Variants in TTC38 observed in about 807,000 individuals in gnomAD.
TTC38 encodes tetratricopeptide repeat domain 38, also known as tetratricopeptide repeat protein 38.
TTC38 carries 64 observed loss-of-function variants against 64.2 expected under a neutral mutation model. That is an observed-to-expected ratio of 1.00 (90% CI 0.81 to 1.23). The LOEUF (loss-of-function observed/expected upper bound fraction) is 1.23, where lower values mean the gene tolerates loss of function less well. Ranked by LOEUF, TTC38 falls within the 50% of genes most tolerant of loss-of-function variation. TTC38 has a pLI of 0.00. For missense variants in TTC38, 573 were observed against 615.5 expected (o/e 0.93, Z 0.73); for synonymous variants, 254 against 249.3 (o/e 1.02, Z -0.18).
chr22:46,290,233 C>A (rs532590445), intron 13 of TTC38, among the ~76,000 whole-genome samples: 3 of 152,174 alleles, frequency 2.0e-5, no homozygotes, highest in Non-Finnish European at 2.9e-5. Flanking sequence ...TGCACCTGGC[C>A]GACACCTAAT....
At position 46,272,340 on chromosome 22, in the gene TTC38, A is replaced by C; in HGVS notation, c.117A>C (p.Val39=). 1 of 1,613,178 alleles carries C rather than the reference A, an allele frequency of 6.2e-7. No homozygotes were observed. The highest frequency in any genetic ancestry group is 8.5e-7 in the Non-Finnish European group (1 of 1,179,324). ...TTTTGCTTTTCCCATTTCAGTATGT[A>C]AAATGGACCAATGACAAGAGTCTCG... ...KLFDATLTQY[V]KWTNDKSLGG... The change falls in exon 3 of 14, where the codon GTA becomes GTC. Residue 39 remains valine (V), a synonymous_variant. Coordinates refer to ENST00000381031, the MANE Select transcript of TTC38 (RefSeq NM_017931.4). The surrounding 1 kb of genome is among the most constrained non-coding windows in gnomAD (Gnocchi z 6.4).
rs886908384 is a variant in TTC38 at position 46,275,175 on chromosome 22, C to T, written c.366-73C>T. 7.8e-6 allele frequency: 11 copies of T among 1,411,152 alleles called. No individual in the cohort carries two copies. The highest frequency in any genetic ancestry group is 4.3e-5 in the African/African-American group (3 of 69,598). The allele number at this position is 1,411,152 out of a possible 1,614,324, so 87.4% of individuals were successfully genotyped here. ...TGTAGACCATGACACTGGTGAGAAA[C>T]AATGCCTCTTACACTCCCTGTGTGG... is the stretch of plus-strand genomic sequence containing the variant. On this transcript the variant is annotated intron_variant, in intron 4 of 13. Coordinates refer to ENST00000381031, the MANE Select transcript of TTC38 (RefSeq NM_017931.4). This position sits in a 1 kb window ranked among gnomAD's most constrained non-coding sequence, Gnocchi z 4.5.
chr22:46,291,141 T>TAA lies in TTC38; in HGVS notation c.1316+1245_1316+1246dup, dbSNP rs983068991. Among the ~76,000 whole-genome samples, 4 of 152,190 alleles carry TAA rather than the reference T, an allele frequency of 2.6e-5. No homozygotes were observed. The highest frequency in any genetic ancestry group is 9.6e-5 in the African/African-American group (4 of 41,454). The stretch of plus-strand genomic sequence containing the variant: ...GCAGCACTGGAACCGCCTAGAACTG[T>TAA]AAAATGTCTTGGACGCATGCTCCCC... On this transcript the variant is annotated intron_variant, in intron 13 of 13. Coordinates refer to ENST00000381031, the MANE Select transcript of TTC38 (RefSeq NM_017931.4). The surrounding 1 kb of genome is among the most constrained non-coding windows in gnomAD (Gnocchi z 4.6).
Position 46,281,553 on chromosome 22 carries a change from G to C in TTC38, c.616-46G>C, listed in dbSNP as rs2077534939. ...CTGCCGTCGCCTGCCCCGGCAGCCT[G>C]ACTGATCTGCTTTATCTGGAATCCT... On this transcript the variant is annotated intron_variant, in intron 6 of 13. Coordinates refer to ENST00000381031, the MANE Select transcript of TTC38 (RefSeq NM_017931.4). The surrounding 1 kb of genome is among the most constrained non-coding windows in gnomAD (Gnocchi z 5.2). 1 of 1,604,272 alleles carries C rather than the reference G, an allele frequency of 6.2e-7. No homozygotes were observed. Among genetic ancestry groups the C allele is most frequent in the Non-Finnish European group, 8.5e-7 (1 of 1,173,060 alleles).
Position 46,281,424 on chromosome 22 carries a change from G to A in TTC38, c.616-175G>A, listed in dbSNP as rs563867441. ...GTGAGACCCATGAGCTGGTGTGCCC[G>A]GGCAGGCAGGAAGTGGTGCTAATTG... On this transcript the variant is annotated intron_variant, in intron 6 of 13. Transcript: ENST00000381031. This position sits in a 1 kb window ranked among gnomAD's most constrained non-coding sequence, Gnocchi z 5.2. Among the ~76,000 whole-genome samples the A allele has an allele frequency of 1.2e-4, 19 of 152,208 alleles. No individual in the cohort carries two copies. The East Asian group carries it at 3.3e-3, about 26-fold the overall frequency.
In TTC38 at chr22:46,276,915, G is replaced by A. The variant is rs893220608; in HGVS notation, c.539+1494G>A. Among the ~76,000 whole-genome samples, 5 of 148,766 alleles carry A rather than the reference G, an allele frequency of 3.4e-5. No homozygotes were observed. The highest frequency in any genetic ancestry group is 5.0e-5 in the African/African-American group (2 of 40,228). On this transcript the variant is annotated intron_variant, in intron 5 of 13. Coordinates refer to ENST00000381031, the MANE Select transcript of TTC38 (RefSeq NM_017931.4). This position sits in a 1 kb window ranked among gnomAD's most constrained non-coding sequence, Gnocchi z 4.7. ...GTTTCGCCAAACAGCTGAGCACCAC[G>A]GGCCAGCCAAATTGACAGATAAAAA...
At position 46,273,821 on chromosome 22, in the gene TTC38, G is replaced by A. The variant is rs1347644011; in HGVS notation, c.194-77G>A. On this transcript the variant is annotated intron_variant, in intron 3 of 13. Transcript: ENST00000381031. This position sits in a 1 kb window ranked among gnomAD's most constrained non-coding sequence, Gnocchi z 5.1. The stretch of plus-strand genomic sequence containing the variant: ...CCCTCCTGGGACGTGGGGTGTCTCT[G>A]TGACATGTGGAGTCTGGGCTGGGAT... 2.0e-6 allele frequency: 3 copies of A among 1,500,484 alleles called. No homozygotes were observed. Among genetic ancestry groups the A allele is most frequent in the Middle Eastern group, 2.2e-4 (1 of 4,572 alleles). The allele number at this position is 1,500,484 out of a possible 1,614,324, so 92.9% of individuals were successfully genotyped here.
intron 13 of TTC38, among the ~76,000 whole-genome samples, chr22:46,290,409 G>T (rs184186032): frequency 7.9e-5 from 12 of 152,304 alleles, no homozygotes; most frequent in Non-Finnish European, 1.3e-4. Context: ...TGAGGGAGCA[G>T]CAGCTGAGGG....
chr22:46,288,173 GT>G (rs996413244), intron 10 of TTC38, among the ~76,000 whole-genome samples: 9 of 152,190 alleles, frequency 5.9e-5, no homozygotes, highest in African/African-American at 2.2e-4. Context: ...CAGAGGCTTT[GT>G]TTAATAACCT....
rs982681683 is a variant in TTC38 at position 46,281,406 on chromosome 22, C to T, written c.616-193C>T. Among the ~76,000 whole-genome samples, 3 of 152,184 alleles carry T rather than the reference C, an allele frequency of 2.0e-5. No homozygotes were observed. Among genetic ancestry groups the T allele is most frequent in the Non-Finnish European group, 4.4e-5 (3 of 68,036 alleles). On this transcript the variant is annotated intron_variant, in intron 6 of 13. Coordinates refer to ENST00000381031, the MANE Select transcript of TTC38 (RefSeq NM_017931.4). This position sits in a 1 kb window ranked among gnomAD's most constrained non-coding sequence, Gnocchi z 5.2. ...TCATCTGTGAACTGGGCAGTGAGACCCATGAGCTGGTGTGCCCGGGCAGGC... is the reference window on the plus strand; with the variant it reads ...TCATCTGTGAACTGGGCAGTGAGACTCATGAGCTGGTGTGCCCGGGCAGGC...
intron 13 of TTC38, among the ~76,000 whole-genome samples, chr22:46,290,315 C>T (rs1488074119): frequency 6.6e-6 from 1 of 152,226 alleles, no homozygotes; most frequent in Non-Finnish European, 1.5e-5. Context: ...TGAGCAGGCA[C>T]ACCAGTCACT....
intron 9 of TTC38, 38 bp downstream of exon 9, chr22:46,285,317 A>C (rs762661966): frequency 6.2e-7 from 1 of 1,611,178 alleles, no homozygotes; most frequent in East Asian, 2.2e-5. Flanking sequence ...TTGTTGCAGC[A>C]TTTTGCCTTT....
rs975330769 is a variant in TTC38 at position 46,281,477 on chromosome 22, C to T, written c.616-122C>T. ...AGTGTTTTGAGTCAGAGCCCCGCCC[C>T]CCCACTTGCTCCACCCCGTTCAGCC... On this transcript the variant is annotated intron_variant, in intron 6 of 13. Transcript: ENST00000381031. The surrounding 1 kb of genome is among the most constrained non-coding windows in gnomAD (Gnocchi z 5.2). The T allele has an allele frequency of 4.6e-6, 5 of 1,086,880 alleles. No homozygotes were observed. The African/African-American group carries it at 7.8e-5, about 17-fold the overall frequency. 67.3% of individuals were successfully genotyped at this position (1,086,880 alleles called of 1,614,324 possible).
Position 46,281,423 on chromosome 22 carries a change from CG to C in TTC38, c.616-173del, listed in dbSNP as rs1357892388. 3.3e-5 allele frequency among the ~76,000 whole-genome samples: 5 copies of C among 152,102 alleles called. No homozygotes were observed. Among genetic ancestry groups the C allele is most frequent in the African/African-American group, 1.2e-4 (5 of 41,414 alleles). On this transcript the variant is annotated intron_variant, in intron 6 of 13. Transcript: ENST00000381031. The surrounding 1 kb of genome is among the most constrained non-coding windows in gnomAD (Gnocchi z 5.2). The stretch of plus-strand genomic sequence containing the variant: ...AGTGAGACCCATGAGCTGGTGTGCC[CG>C]GGCAGGCAGGAAGTGGTGCTAATTG...
In TTC38 at chr22:46,281,991, G is replaced by A. The variant is rs776846995; in HGVS notation, c.735+273G>A. On this transcript the variant is annotated intron_variant, in intron 7 of 13. Coordinates refer to ENST00000381031, the MANE Select transcript of TTC38 (RefSeq NM_017931.4). The surrounding 1 kb of genome is among the most constrained non-coding windows in gnomAD (Gnocchi z 5.2). ...TACAGGGCCTGGTCAGGAGGAGCGA[G>A]CAGCCTCTTCAAAGCACATGAGCTG... 4 of 597,766 alleles carry A rather than the reference G, an allele frequency of 6.7e-6. No individual in the cohort carries two copies. Among genetic ancestry groups the A allele is most frequent in the South Asian group, 6.1e-5 (4 of 65,600 alleles). The allele number at this position is 597,766 out of a possible 1,614,324, so 37.0% of individuals were successfully genotyped here.
Position 46,287,103 on chromosome 22 carries a change from A to G in TTC38, c.865A>G (p.Met289Val), listed in dbSNP as rs772273417. ...ILPSLQANDAMLDVVDSCSML... is the reference protein window; with the variant it reads ...ILPSLQANDAVLDVVDSCSML... ...TCCCAGCCTGCAGGCCAACGATGCA[A>G]TGCTGGACGTGGTGGACAGCTGCTC... Residue 289 changes from methionine (M) to valine (V), a missense_variant, in exon 10 of 14, where the codon ATG (methionine) becomes GTG (valine). Met to Val is a conservative substitution (Grantham distance 21, BLOSUM62 1). Transcript: ENST00000381031. The G allele has an allele frequency of 9.9e-5, 159 of 1,605,470 alleles. No individual in the cohort carries two copies. The highest frequency in any genetic ancestry group is 1.9e-4 in the African/African-American group (14 of 74,880).
intron 6 of TTC38, among the ~76,000 whole-genome samples, chr22:46,279,809 G>C (rs931368024): frequency 1.2e-4 from 19 of 152,194 alleles, no homozygotes; most frequent in African/African-American, 4.3e-4. Flanking sequence ...CCAGGGGTCA[G>C]CTGTAGGAAA....
Position 46,271,357 on chromosome 22 carries a change from CG to C in TTC38, c.112-977del, listed in dbSNP as rs1936892638. Among the ~76,000 whole-genome samples, 1 of 151,952 alleles carries C rather than the reference CG, an allele frequency of 6.6e-6. No individual in the cohort carries two copies. The highest frequency in any genetic ancestry group is 2.1e-4 in the South Asian group (1 of 4,810). Reference sequence around the variant, plus strand: ...CCTCCCGAGTAGCTGGGATTACAGGCGCCCACCACCACACCCGGCTGATTTT... The same window carrying C: ...CCTCCCGAGTAGCTGGGATTACAGGCCCCACCACCACACCCGGCTGATTTT... On this transcript the variant is annotated intron_variant, in intron 2 of 13. Transcript: ENST00000381031. The surrounding 1 kb of genome is among the most constrained non-coding windows in gnomAD (Gnocchi z 5.5).
intron 13 of TTC38, 47 bp downstream of exon 13, chr22:46,289,946 C>A (rs766776204): frequency 1.3e-6 from 2 of 1,545,828 alleles, no homozygotes; most frequent in Non-Finnish European, 8.9e-7. Context: ...CACAGGCTCT[C>A]CCTGCAGACC....
Sources: gnomAD v4.1 joint callset for allele counts (sites outside exome capture counted in the v4.1 genomes callset) on GRCh38, gnomAD v4.1.1 for gene constraint, Gnocchi (gnomAD v3.1) non-coding constraint, MANE v1.5 for transcripts, NCBI Gene and HGNC (gene_info 2026-07-23, HGNC 2026-07-21) for gene names.